Variants in PRKAA1 observed in about 807,000 individuals in gnomAD.
The protein encoded by PRKAA1 is protein kinase AMP-activated catalytic subunit alpha 1, also known as 5'-AMP-activated protein kinase catalytic subunit alpha-1.
PRKAA1 carries 23 observed loss-of-function variants against 56.9 expected under a neutral mutation model. That is an observed-to-expected ratio of 0.40 (90% CI 0.29 to 0.57). The LOEUF (loss-of-function observed/expected upper bound fraction) is 0.57, where lower values mean the gene tolerates loss of function less well. Among genes scored for constraint, PRKAA1 ranks in the 20% least tolerant of loss-of-function variants. The pLI, the probability that PRKAA1 is intolerant of heterozygous loss-of-function variation, is 0.39. For synonymous variants in PRKAA1, 226 were observed against 227.0 expected, an observed-to-expected ratio of 1.00 and a Z score of 0.04; for missense variants, 413 against 679.7, an observed-to-expected ratio of 0.61 and a Z score of 4.36.
intron 6 of PRKAA1, among the ~76,000 whole-genome samples, chr5:40,765,754 A>AG (rs1743401541): frequency 1.5e-5 from 1 of 65,096 alleles, no homozygotes; most frequent in Admixed American, 1.8e-4. Flanking sequence ...TTGAGGTTAA[A>AG]AAAAAAATCA....
In PRKAA1 at chr5:40,759,431, G is replaced by A. The variant is rs1413082543; in HGVS notation, c.*3347C>T. On this transcript the variant is annotated 3_prime_UTR_variant, in exon 9 of 9. Coordinates refer to ENST00000397128, the MANE Select transcript of PRKAA1 (RefSeq NM_006251.6). ...TATTATATCATATTTCTAAATCAAGGAAGCTGAAATTATATACTTAAATAT... is the reference window on the plus strand; with the variant it reads ...TATTATATCATATTTCTAAATCAAGAAAGCTGAAATTATATACTTAAATAT... The A allele has an allele frequency of 1.3e-5, 2 of 152,084 alleles. No individual in the cohort carries two copies. Among genetic ancestry groups the A allele is most frequent in the African/African-American group, 2.4e-5 (1 of 41,336 alleles). The allele number at this position is 152,084 out of a possible 1,614,324, so 9.4% of individuals were successfully genotyped here. A position where few individuals can be genotyped will look rare whatever the true frequency, so the allele number is the denominator to read the frequency against.
intron 1 of PRKAA1, among the ~76,000 whole-genome samples, chr5:40,797,788 C>T (rs1415524923): frequency 1.3e-5 from 2 of 152,144 alleles, no homozygotes; most frequent in African/African-American, 4.8e-5. Flanking sequence ...AAGTTTGCAC[C>T]TTCGCATCCC....
chr5:40,790,722 T>C (rs982872186), intron 1 of PRKAA1, among the ~76,000 whole-genome samples: 15 of 152,078 alleles, frequency 9.9e-5, no homozygotes, highest in African/African-American at 3.6e-4. Context: ...GTATTTTTAG[T>C]AGAGATGGGG....
chr5:40,770,121 T>C (rs1220390830), intron 4 of PRKAA1, among the ~76,000 whole-genome samples: 4 of 151,994 alleles, frequency 2.6e-5, no homozygotes, highest in African/African-American at 9.7e-5. Flanking sequence ...GATATAGTTA[T>C]AGATATAGAT....
rs191771384 is a variant in PRKAA1, at chr5:40,777,043, G to A, written c.269+402C>T. 3.4e-3 allele frequency: 518 copies of A among 154,400 alleles called. 1 individual carries two copies. The highest frequency in any genetic ancestry group is 5.4e-3 in the Non-Finnish European group (375 of 69,702). 9.6% of individuals were successfully genotyped at this position (154,400 alleles called of 1,614,324 possible). A position where few individuals can be genotyped will look rare whatever the true frequency, so the allele number is the denominator to read the frequency against. Reference sequence around the variant, plus strand: ...TTATTTTTTTTTGGGACAGAGTTTCGCTTTTGTTGCCCAAGCTGGAGTGCA... The same window carrying A: ...TTATTTTTTTTTGGGACAGAGTTTCACTTTTGTTGCCCAAGCTGGAGTGCA... On this transcript the variant is annotated intron_variant, in intron 2 of 8. Coordinates refer to ENST00000397128, the MANE Select transcript of PRKAA1 (RefSeq NM_006251.6).
At chr5:40,783,320 A>T (rs1744338064) in intron 1 of PRKAA1, among the ~76,000 whole-genome samples, 1 of 151,648 alleles carries the variant, frequency 6.6e-6, no homozygotes, top group South Asian at 2.1e-4. Flanking sequence ...TCTTACAAAC[A>T]TAAAAAAAAA....
In PRKAA1 at chr5:40,765,453, T is replaced by A. The variant is rs1236030494; in HGVS notation, c.822-215A>T. Among the ~76,000 whole-genome samples, 3 of 152,268 alleles carry A rather than the reference T, an allele frequency of 2.0e-5. No homozygotes were observed. The East Asian group carries it at 5.8e-4, about 29-fold the overall frequency. On this transcript the variant is annotated intron_variant, in intron 6 of 8. Transcript: ENST00000397128. The stretch of plus-strand genomic sequence containing the variant: ...TTCCCTCCAGTTTTAAGAGGGAGAA[T>A]GTATTGACACAGCAATGGGGGGAAA...
chr5:40,781,101 C>T (rs1414192341), intron 1 of PRKAA1, among the ~76,000 whole-genome samples: 3 of 152,102 alleles, frequency 2.0e-5, no homozygotes, highest in African/African-American at 7.2e-5. Flanking sequence ...CTAATTTCTA[C>T]CCCAGGTGTT....
At chr5:40,797,625 A>C (rs1744985799) in intron 1 of PRKAA1, among the ~76,000 whole-genome samples, 1 of 152,342 alleles carries the variant, frequency 6.6e-6, no homozygotes, top group South Asian at 2.1e-4. Flanking sequence ...GGAAATACCG[A>C]CAACGCCAAG....
chr5:40,780,367 T>C (rs919354857), intron 1 of PRKAA1, among the ~76,000 whole-genome samples: 3 of 152,208 alleles, frequency 2.0e-5, no homozygotes, highest in African/African-American at 7.2e-5. Context: ...GAAGGAATGA[T>C]ATTTGGCTTT....
At chr5:40,784,738 C>T (rs908465961) in intron 1 of PRKAA1, among the ~76,000 whole-genome samples, 6 of 152,122 alleles carry the variant, frequency 3.9e-5, no homozygotes, top group African/African-American at 1.4e-4. Flanking sequence ...CTCTCACCAA[C>T]CTGGAAGACT....
rs75858229 is a variant in PRKAA1, at chr5:40,795,414, T to A, written c.127+2649A>T. On this transcript the variant is annotated intron_variant, in intron 1 of 8. Transcript: ENST00000397128. ...AAAATTTAAAAAATAAAACAAATTT[T>A]AAAAAAAAGATGTCTCCCACCCACC... 8.2e-3 allele frequency among the ~76,000 whole-genome samples: 1,247 copies of A among 151,882 alleles called. 23 individuals are homozygous for A. In the East Asian group the frequency reaches 0.085, roughly 10 times the overall value.
intron 8 of PRKAA1, chr5:40,764,164 T>C (rs1373284544): frequency 6.2e-6 from 1 of 160,676 alleles, no homozygotes; most frequent in African/African-American, 2.4e-5. Flanking sequence ...TAATAATAAA[T>C]AAAAGCTTAC....
intron 1 of PRKAA1, among the ~76,000 whole-genome samples, chr5:40,793,867 G>A (rs190945949): frequency 1.8e-4 from 28 of 152,236 alleles, no homozygotes; most frequent in Middle Eastern, 3.4e-3. Flanking sequence ...TTGGGAGGCC[G>A]AGGCGGGTGG....
At chr5:40,797,143 TG>T (rs1487745293) in intron 1 of PRKAA1, among the ~76,000 whole-genome samples, 1 of 152,242 alleles carries the variant, frequency 6.6e-6, no homozygotes, top group Non-Finnish European at 1.5e-5. Context: ...GTTACATAGA[TG>T]AACTGCATAG....
chr5:40,764,675 T>G (rs1239908418), intron 7 of PRKAA1, 35 bp from the exon 8 acceptor site: 1 of 1,605,496 alleles, frequency 6.2e-7, no homozygotes. Flanking sequence ...AAGTCAAAAG[T>G]AATTCTTCTA....
chr5:40,796,039 G>A (rs952989650), intron 1 of PRKAA1, among the ~76,000 whole-genome samples: 2 of 152,184 alleles, frequency 1.3e-5, no homozygotes, highest in Admixed American at 6.5e-5. Context: ...AGACCTGGCC[G>A]GGCACAGTGG....
Position 40,762,824 on chromosome 5 carries a change from T to C in PRKAA1, c.1634A>G (p.Glu545Gly), listed in dbSNP as rs745757450. The change falls in exon 9 of 9, where the codon GAA becomes GGA. Residue 545 changes from glutamate to glycine, a missense_variant. By Grantham distance (98) the Glu-to-Gly change is moderately conservative. Coordinates refer to ENST00000397128, the MANE Select transcript of PRKAA1 (RefSeq NM_006251.6). ...LTPRPGSHTI[E>G]FFEMCANLIK... ...TAGATTTGCACACATCTCAAAAAAT[T>C]CTATTGTGTGACTTCCAGGTCTTGG... The C allele has an allele frequency of 2.5e-6, 4 of 1,614,170 alleles. No individual in the cohort carries two copies. The highest frequency in any genetic ancestry group is 3.4e-6 in the Non-Finnish European group (4 of 1,180,014).
chr5:40,787,760 G>T (rs1744556875), intron 1 of PRKAA1, among the ~76,000 whole-genome samples: 1 of 151,326 alleles, frequency 6.6e-6, no homozygotes, highest in African/African-American at 2.4e-5. Flanking sequence ...CCACAAAGGG[G>T]GAAAGTAATA....
Sources: allele counts gnomAD v4.1 joint callset (sites outside exome capture counted in the v4.1 genomes callset), GRCh38; gene constraint gnomAD v4.1.1; transcripts MANE v1.5; gene names NCBI Gene and HGNC (gene_info 2026-07-23, HGNC 2026-07-21).